WRN: variants seen among roughly 807,000 people sequenced by gnomAD.
WRN encodes WRN RecQ like helicase.
Under a neutral mutation model 180.7 loss-of-function variants are expected in WRN, and 149 were observed. The observed-to-expected ratio is 0.82, with a 90% confidence interval of 0.72 to 0.94. WRN has a LOEUF of 0.94. Ranked by LOEUF, WRN falls within the 40% of genes least tolerant of loss-of-function variation. The pLI, the probability that WRN is intolerant of heterozygous loss-of-function variation, is 0.00. For missense variants in WRN, 1,661 were observed against 1,700.1 expected (o/e 0.98, Z 0.40); for synonymous variants, 548 against 568.9 (o/e 0.96, Z 0.52).
intron 33 of WRN, among the ~76,000 whole-genome samples, chr8:31,159,119 T>C (rs1476321798): frequency 6.6e-6 from 1 of 151,664 alleles, no homozygotes; most frequent in African/African-American, 2.4e-5. Context: ...AGCAACATAG[T>C]GTGACCCCCA....
In WRN at chr8:31,059,239, T is replaced by C. The variant is rs2130005589; in HGVS notation, c.183T>C (p.Asp61=). The part of the protein sequence containing the change: ...GSIVYSYDAS[D]CSFLSEDISM... ...TTGTGTATAGTTACGATGCTAGTGA[T>C]TGCTCTTTCCTGTCAGAAGATATTA... is the stretch of plus-strand genomic sequence containing the variant. The change falls in exon 3 of 35, where the codon GAT becomes GAC. Residue 61 remains aspartate (D), a synonymous_variant. Coordinates refer to ENST00000298139, the MANE Select transcript of WRN (RefSeq NM_000553.6). The C allele has an allele frequency of 6.2e-7, 1 of 1,613,786 alleles. No homozygotes were observed. Among genetic ancestry groups the C allele is most frequent in the Non-Finnish European group, 8.5e-7 (1 of 1,179,806 alleles).
chr8:31,148,674 A>G (rs1802965868), intron 30 of WRN, among the ~76,000 whole-genome samples: 1 of 152,252 alleles, frequency 6.6e-6, no homozygotes, highest in South Asian at 2.1e-4. Flanking sequence ...GACTATGAGA[A>G]GGTCTTTCAT....
chr8:31,150,347 T>G lies in WRN; in HGVS notation c.3579T>G (p.Thr1193=). The change falls in exon 31 of 35, where the codon ACT becomes ACG. Residue 1193 remains threonine (T), a synonymous_variant. Coordinates refer to ENST00000298139, the MANE Select transcript of WRN (RefSeq NM_000553.6). ...ILVDMAKMRP[T]TVENVKRIDG... is the part of the protein sequence containing the mutation. ...TTGTTGTTGTTAAACACAGACCAAC[T>G]ACGGTTGAAAACGTAAAAAGGATTG... 2 of 1,614,070 alleles carry G rather than the reference T, an allele frequency of 1.2e-6. No individual in the cohort carries two copies. The highest frequency in any genetic ancestry group is 1.7e-6 in the Non-Finnish European group (2 of 1,179,922).
At chr8:31,070,776 G>A (rs1812885553) in intron 7 of WRN, among the ~76,000 whole-genome samples, 1 of 152,136 alleles carries the variant, frequency 6.6e-6, no homozygotes, top group Non-Finnish European at 1.5e-5. Context: ...CAGGTGCAGT[G>A]GCTCACGCCT....
At chr8:31,057,599 G>A (rs1812321963) in intron 1 of WRN, among the ~76,000 whole-genome samples, 1 of 151,948 alleles carries the variant, frequency 6.6e-6, no homozygotes, top group Non-Finnish European at 1.5e-5. Context: ...CAAAAAAACT[G>A]CTACCTCCTT....
At chr8:31,120,611 A>AG (rs1801690520) in intron 21 of WRN, among the ~76,000 whole-genome samples, 187 bp downstream of exon 21, 1 of 151,862 alleles carries the variant, frequency 6.6e-6, no homozygotes, top group African/African-American at 2.4e-5. Flanking sequence ...ATTTGTGGTA[A>AG]GAGTTGCCAC....
rs377503010 is a variant in WRN at position 31,174,945 on chromosome 8, C to T, written c.*1843C>T. Reference sequence around the variant, plus strand: ...TTTTCTTTCTTTCAAGCAGTCCTCCCGCCTCAGTCCCCCAAAATAGTGGGA... The same window carrying T: ...TTTTCTTTCTTTCAAGCAGTCCTCCTGCCTCAGTCCCCCAAAATAGTGGGA... On this transcript the variant is annotated 3_prime_UTR_variant, in exon 35 of 35. Coordinates refer to ENST00000298139, the MANE Select transcript of WRN (RefSeq NM_000553.6). Among the ~76,000 whole-genome samples the T allele has an allele frequency of 1.7e-4, 25 of 151,168 alleles. No individual in the cohort carries two copies. Among genetic ancestry groups the T allele is most frequent in the African/African-American group, 5.3e-4 (22 of 41,164 alleles).
chr8:31,141,610 G>T lies in WRN; in HGVS notation c.3138+10G>T, dbSNP rs754457057. 3 of 1,614,070 alleles carry T rather than the reference G, an allele frequency of 1.9e-6. No homozygotes were observed. The South Asian group carries it at 3.3e-5, about 18-fold the overall frequency. On this transcript the variant is annotated intron_variant, in intron 25 of 34. Coordinates refer to ENST00000298139, the MANE Select transcript of WRN (RefSeq NM_000553.6). The stretch of plus-strand genomic sequence containing the variant: ...CGCCCTTACGAAAAAGGTAAACGGT[G>T]TAGGAGTCTGCCTGTTTGACTTAAT...
At chr8:31,068,853 T>C (rs1337422320) in intron 7 of WRN, among the ~76,000 whole-genome samples, 1 of 152,240 alleles carries the variant, frequency 6.6e-6, no homozygotes, top group Non-Finnish European at 1.5e-5. Flanking sequence ...ATAATGGTCA[T>C]GTCATCCAAC....
At chr8:31,157,085 T>G (rs555485798) in intron 32 of WRN, among the ~76,000 whole-genome samples, 2 of 152,338 alleles carry the variant, frequency 1.3e-5, no homozygotes, top group African/African-American at 4.8e-5. Context: ...CACTAACGGC[T>G]TTCTAAAGTG....
chr8:31,148,629 C>T (rs1210305133), intron 30 of WRN, among the ~76,000 whole-genome samples: 2 of 152,114 alleles, frequency 1.3e-5, no homozygotes, highest in South Asian at 2.1e-4. Context: ...TTGAAGATCT[C>T]GCTTTATTAC....
intron 6 of WRN, 51 bp downstream of exon 6, chr8:31,067,233 T>C (rs1198298264): frequency 1.3e-6 from 2 of 1,599,632 alleles, no homozygotes; most frequent in Non-Finnish European, 8.5e-7. Context: ...AAAACATTAT[T>C]ATAAATGACT....
chr8:31,094,002 C>T (rs1163996089), intron 16 of WRN, among the ~76,000 whole-genome samples: 10 of 152,128 alleles, frequency 6.6e-5, no homozygotes, highest in Admixed American at 6.5e-4. Flanking sequence ...ATCCATTCAC[C>T]TGATAGACAT....
intron 34 of WRN, among the ~76,000 whole-genome samples, chr8:31,168,912 A>G (rs1803999889): frequency 1.3e-5 from 2 of 152,152 alleles, no homozygotes; most frequent in Non-Finnish European, 2.9e-5. Flanking sequence ...TCCTTGTTTA[A>G]CAGAAAGGTG....
intron 34 of WRN, among the ~76,000 whole-genome samples, chr8:31,169,504 A>G (rs1804023774): frequency 6.6e-6 from 1 of 151,996 alleles, no homozygotes; most frequent in African/African-American, 2.4e-5. Flanking sequence ...TAATTTTCCT[A>G]ATGTTTTCCA....
intron 14 of WRN, 49 bp downstream of exon 14, chr8:31,090,581 AAG>A (rs1384387010): frequency 6.5e-7 from 1 of 1,539,736 alleles, no homozygotes; most frequent in Non-Finnish European, 8.9e-7. Context: ...ATAAAACATA[AAG>A]AGTTTGAAAT....
At chr8:31,164,122 G>A (rs141095152) in intron 33 of WRN, among the ~76,000 whole-genome samples, 1 of 152,242 alleles carries the variant, frequency 6.6e-6, no homozygotes, top group Non-Finnish European at 1.5e-5. Flanking sequence ...ACAGGTGTGA[G>A]CCACTGAGCC....
At position 31,090,889 on chromosome 8, in the gene WRN, C is replaced by A. The variant is rs773549958; in HGVS notation, c.1776C>A (p.Gly592=). 1.2e-6 allele frequency: 2 copies of A among 1,612,828 alleles called. No homozygotes were observed. Among genetic ancestry groups the A allele is most frequent in the Non-Finnish European group, 1.7e-6 (2 of 1,179,242 alleles). Residue 592 remains glycine (G), a synonymous_variant, in exon 15 of 35, where the codon GGC becomes GGA. Transcript: ENST00000298139. ...QYPPVYVGKI[G]LVISPLISLM... is the part of the protein sequence containing the mutation. Reference sequence around the variant, plus strand: ...CACCTGTTTATGTAGGCAAGATTGGCCTTGTTATCTCTCCCCTTATTTCTC... The same window carrying A: ...CACCTGTTTATGTAGGCAAGATTGGACTTGTTATCTCTCCCCTTATTTCTC...
In WRN at chr8:31,080,960, C is replaced by G. The variant is rs1397035463; in HGVS notation, c.933C>G (p.Pro311=). 1 of 1,613,752 alleles carries G rather than the reference C, an allele frequency of 6.2e-7. No homozygotes were observed. Among genetic ancestry groups the G allele is most frequent in the Admixed American group, 1.7e-5 (1 of 59,998 alleles). ...GSTNIETELR[P]SNNLNLLSFE... The stretch of plus-strand genomic sequence containing the variant: ...CTAACATTGAGACTGAACTGAGGCC[C>G]AGCAATAATTTAAACTTATTATCCT... The change falls in exon 9 of 35, where the codon CCC becomes CCG. Residue 311 remains proline (P), a synonymous_variant. Transcript: ENST00000298139.
Sources: allele counts gnomAD v4.1 joint callset (sites outside exome capture counted in the v4.1 genomes callset), GRCh38; gene constraint gnomAD v4.1.1; transcripts MANE v1.5; gene names NCBI Gene and HGNC (gene_info 2026-07-23, HGNC 2026-07-21).